Variants in PRKAG2 observed in about 807,000 individuals in gnomAD.
PRKAG2 encodes the protein protein kinase AMP-activated non-catalytic subunit gamma 2, also known as 5'-AMP-activated protein kinase subunit gamma-2.
In PRKAG2, 26 loss-of-function variants were observed where a neutral mutation model predicts 69.6. That is an observed-to-expected ratio of 0.37 (90% CI 0.27 to 0.52). The LOEUF is 0.52. Ranked by LOEUF, PRKAG2 falls within the 20% of genes least tolerant of loss-of-function variation. The probability of loss-of-function intolerance (pLI) is 0.90; values close to 1 mark genes in which losing one functional copy is unlikely to be tolerated. For synonymous variants in PRKAG2, 293 were observed against 285.0 expected (o/e 1.03, Z -0.28); for missense variants, 557 against 740.0 (o/e 0.75, Z 2.87).
intron 3 of PRKAG2, among the ~76,000 whole-genome samples, chr7:151,741,283 G>T (rs940572780): frequency 1.5e-4 from 23 of 152,146 alleles, no homozygotes; most frequent in Admixed American, 3.3e-4. Context: ...ACCTGAACAA[G>T]TATCCCAATA....
At chr7:151,558,202 A>G (rs760912617) in intron 15 of PRKAG2, 15 of 985,452 alleles carry the variant, frequency 1.5e-5, no homozygotes, top group Non-Finnish European at 1.8e-5. Flanking sequence ...GAGAAAGAGA[A>G]AGTGTTATTG....
intron 4 of PRKAG2, among the ~76,000 whole-genome samples, chr7:151,635,414 A>G (rs553798084): frequency 5.3e-5 from 8 of 152,304 alleles, no homozygotes; most frequent in Admixed American, 5.2e-4. Context: ...CTTTTTTGCA[A>G]CAGTGCAAAC....
chr7:151,684,846 C>T (rs774732774), intron 3 of PRKAG2, among the ~76,000 whole-genome samples: 2 of 152,208 alleles, frequency 1.3e-5, no homozygotes, highest in African/African-American at 2.4e-5. Flanking sequence ...AGCCACAATG[C>T]ACTCTGGAAG....
At chr7:151,718,291 GCTCTTC>G (rs1412506926) in intron 3 of PRKAG2, among the ~76,000 whole-genome samples, 2 of 151,924 alleles carry the variant, frequency 1.3e-5, no homozygotes, top group South Asian at 4.2e-4. Context: ...GGGGGGTAGA[GCTCTTC>G]CTCTTCTTGT....
intron 4 of PRKAG2, among the ~76,000 whole-genome samples, chr7:151,648,463 T>C (rs558800599): frequency 2.6e-5 from 4 of 152,098 alleles, no homozygotes; most frequent in South Asian, 4.2e-4. Flanking sequence ...CATGAAGGGC[T>C]GGGGCACCCG....
At chr7:151,572,241 GA>G (rs11361507) in intron 9 of PRKAG2, among the ~76,000 whole-genome samples, 22,158 of 152,164 alleles carry the variant, frequency 0.15, 1,726 homozygotes, top group African/African-American at 0.18. Context: ...AATTTGTAAA[GA>G]AACAATTACT....
Position 151,876,822 on chromosome 7 carries a change from T to C in PRKAG2, c.-202A>G. The C allele has an allele frequency of 1.6e-6, 1 of 633,298 alleles. No homozygotes were observed. The highest frequency in any genetic ancestry group is 2.8e-6 in the Non-Finnish European group (1 of 354,284). 39.2% of individuals were successfully genotyped at this position (633,298 alleles called of 1,614,324 possible). ...CCGAAGCGCCGAATTCAAGCGTCCT[T>C]TCCTACGGAACCCTCGTAGGCAAAT... is the stretch of plus-strand genomic sequence containing the variant. On this transcript the variant is annotated 5_prime_UTR_variant, in exon 1 of 16. Coordinates refer to ENST00000287878, the MANE Select transcript of PRKAG2 (RefSeq NM_016203.4).
At chr7:151,858,368 TAC>T (rs2079836957) in intron 1 of PRKAG2, among the ~76,000 whole-genome samples, 4 of 152,278 alleles carry the variant, frequency 2.6e-5, no homozygotes, top group Non-Finnish European at 5.9e-5. Context: ...TGACTGAAGC[TAC>T]TGGCTCCTTG....
At chr7:151,779,531 T>C (rs1417637847) in intron 3 of PRKAG2, among the ~76,000 whole-genome samples, 2 of 152,192 alleles carry the variant, frequency 1.3e-5, no homozygotes, top group African/African-American at 2.4e-5. Context: ...TCACAGCTCC[T>C]ACACTCCTTT....
At position 151,632,384 on chromosome 7, in the gene PRKAG2, G is replaced by A. The variant is rs972825802; in HGVS notation, c.685-246C>T. On this transcript the variant is annotated intron_variant, in intron 4 of 15. Coordinates refer to ENST00000287878, the MANE Select transcript of PRKAG2 (RefSeq NM_016203.4). The surrounding 1 kb of genome is among the most constrained non-coding windows in gnomAD (Gnocchi z 4.2). ...GCGTGCCCCTCCGCGAGTGGGACGCGCCGCTCCCCCCCGCGCCTTGGTACG... is the reference window on the plus strand; with the variant it reads ...GCGTGCCCCTCCGCGAGTGGGACGCACCGCTCCCCCCCGCGCCTTGGTACG... 1.6e-4 allele frequency: 77 copies of A among 469,574 alleles called. No homozygotes were observed. Among genetic ancestry groups the A allele is most frequent in the African/African-American group, 2.1e-4 (10 of 46,838 alleles). The allele number at this position is 469,574 out of a possible 1,614,324, so 29.1% of individuals were successfully genotyped here.
At chr7:151,762,070 A>T (rs995288987) in intron 3 of PRKAG2, among the ~76,000 whole-genome samples, 2 of 152,362 alleles carry the variant, frequency 1.3e-5, no homozygotes, top group East Asian at 3.9e-4. Context: ...AGGTTCTGCT[A>T]TGAAGAAACA....
At chr7:151,732,698 TG>T (rs1219321420) in intron 3 of PRKAG2, among the ~76,000 whole-genome samples, 1 of 151,928 alleles carries the variant, frequency 6.6e-6, no homozygotes, top group Non-Finnish European at 1.5e-5. Context: ...GCACCCAGAG[TG>T]GTTTTTCTTT....
chr7:151,821,660 T>C (rs557296886), intron 1 of PRKAG2, among the ~76,000 whole-genome samples: 1 of 152,314 alleles, frequency 6.6e-6, no homozygotes, highest in African/African-American at 2.4e-5. Flanking sequence ...GCAAGTCCTC[T>C]CTAAGACACA....
chr7:151,711,799 G>A (rs1795363813), intron 3 of PRKAG2, among the ~76,000 whole-genome samples: 1 of 152,240 alleles, frequency 6.6e-6, no homozygotes, highest in Non-Finnish European at 1.5e-5. Flanking sequence ...GCAGGTTCCT[G>A]AGAGCCGCTA....
At chr7:151,712,676 T>C (rs554524037) in intron 3 of PRKAG2, among the ~76,000 whole-genome samples, 123 of 152,046 alleles carry the variant, frequency 8.1e-4, no homozygotes, top group African/African-American at 2.9e-3. Context: ...AAAAAGGGAG[T>C]GCATGCAGAG....
rs114363084 is a variant in PRKAG2 at position 151,793,331 on chromosome 7, A to G, written c.115-6790T>C. Among the ~76,000 whole-genome samples the G allele has an allele frequency of 4.8e-3, 732 of 152,258 alleles. 7 individuals are homozygous for G. Among genetic ancestry groups the G allele is most frequent in the African/African-American group, 0.017 (705 of 41,554 alleles). ...CTGCCTTCACAACGCTATCTAGGTG[A>G]GACGGCCAGGACCCAGCAGCATTTC... On this transcript the variant is annotated intron_variant, in intron 1 of 15. Coordinates refer to ENST00000287878, the MANE Select transcript of PRKAG2 (RefSeq NM_016203.4).
chr7:151,684,166 C>T (rs1834316491), intron 3 of PRKAG2, among the ~76,000 whole-genome samples: 1 of 152,180 alleles, frequency 6.6e-6, no homozygotes, highest in Non-Finnish European at 1.5e-5. Context: ...TCCTCAGGGA[C>T]CCTGCCTGCC....
intron 5 of PRKAG2, among the ~76,000 whole-genome samples, chr7:151,616,752 A>C (rs955621453): frequency 1.3e-5 from 2 of 152,260 alleles, no homozygotes; most frequent in East Asian, 1.9e-4. Flanking sequence ...CTGGATCCTG[A>C]AAGAAGAAGT....
At position 151,781,000 on chromosome 7, in the gene PRKAG2, G is replaced by A. The variant is rs888449291; in HGVS notation, c.466+152C>T. ...TGTTCTGGAGAGAGATTTGTTTAGGGGGAAGTGGGGGTGGGGAGAAACAGA... is the reference window on the plus strand; with the variant it reads ...TGTTCTGGAGAGAGATTTGTTTAGGAGGAAGTGGGGGTGGGGAGAAACAGA... On this transcript the variant is annotated intron_variant, in intron 3 of 15. Coordinates refer to ENST00000287878, the MANE Select transcript of PRKAG2 (RefSeq NM_016203.4). The surrounding 1 kb of genome is among the most constrained non-coding windows in gnomAD (Gnocchi z 4.2). 19 of 1,008,152 alleles carry A rather than the reference G, an allele frequency of 1.9e-5. No individual in the cohort carries two copies. The highest frequency in any genetic ancestry group is 4.8e-5 in the African/African-American group (3 of 62,950). The allele number at this position is 1,008,152 out of a possible 1,614,324, so 62.5% of individuals were successfully genotyped here.
Sources: gnomAD v4.1 joint callset for allele counts (sites outside exome capture counted in the v4.1 genomes callset) on GRCh38, gnomAD v4.1.1 for gene constraint, Gnocchi (gnomAD v3.1) non-coding constraint, MANE v1.5 for transcripts, NCBI Gene and HGNC (gene_info 2026-07-23, HGNC 2026-07-21) for gene names.